The following CALML4 variants were observed in gnomAD, a reference collection of about 807,000 sequenced individuals.
CALML4 encodes the protein calmodulin like 4.
CALML4 carries 16 observed loss-of-function variants against 17.9 expected under a neutral mutation model. The observed-to-expected ratio is 0.89, with a 90% CI of 0.61 to 1.36. The LOEUF is 1.36. Ranked by LOEUF, CALML4 falls within the 40% of genes most tolerant of loss-of-function variation. CALML4 has a pLI of 0.00. For missense variants in CALML4, 203 were observed against 194.8 expected (o/e 1.04, Z -0.25); for synonymous variants, 86 against 71.5 (o/e 1.20, Z -1.02).
Position 68,204,523 on chromosome 15 carries a change from C to T in CALML4, c.34+598G>A, listed in dbSNP as rs1332712699. On this transcript the variant is annotated intron_variant, in intron 2 of 4. Coordinates refer to ENST00000467889, the MANE Select transcript of CALML4 (RefSeq NM_033429.3). The surrounding 1 kb of genome is among the most constrained non-coding windows in gnomAD (Gnocchi z 6.0). ...GTCTGGGCCCCCAAGTTCTTTGTAACGCAACTCTTTGCTCTTGGCCTTCTG... is the reference window on the plus strand; with the variant it reads ...GTCTGGGCCCCCAAGTTCTTTGTAATGCAACTCTTTGCTCTTGGCCTTCTG... Among the ~76,000 whole-genome samples the T allele has an allele frequency of 2.0e-5, 3 of 152,200 alleles. No individual in the cohort carries two copies. The highest frequency in any genetic ancestry group is 4.4e-5 in the Non-Finnish European group (3 of 68,036).
rs1212311561 is a variant in CALML4, at chr15:68,191,736, AAAC to A, written c.*2276_*2278del. The A allele has an allele frequency of 3.9e-5, 6 of 152,274 alleles. No homozygotes were observed. The highest frequency in any genetic ancestry group is 8.8e-5 in the Non-Finnish European group (6 of 68,040). 9.4% of individuals were successfully genotyped at this position (152,274 alleles called of 1,614,324 possible). On this transcript the variant is annotated 3_prime_UTR_variant, in exon 5 of 5. Transcript: ENST00000467889. ...GCTAAGAGCACCGTGGCCTTCTTGT[AAAC>A]AACACTAGGTGCTAGAGAAACCAGC...
rs2093126582 is a variant in CALML4 at position 68,192,829 on chromosome 15, G to A, written c.*1186C>T. On this transcript the variant is annotated 3_prime_UTR_variant, in exon 5 of 5. Transcript: ENST00000467889. ...ACCCACTTTTGATACATACATGGAT[G>A]CAAATCTTTGTACTTGAAGCCCTGC... 1 of 152,278 alleles carries A rather than the reference G, an allele frequency of 6.6e-6. No individual in the cohort carries two copies. Among genetic ancestry groups the A allele is most frequent in the Admixed American group, 6.5e-5 (1 of 15,282 alleles). The allele number at this position is 152,278 out of a possible 1,614,324, so 9.4% of individuals were successfully genotyped here. A position where few individuals can be genotyped will look rare whatever the true frequency, so the allele number is the denominator to read the frequency against.
chr15:68,205,302 T>G lies in CALML4; in HGVS notation c.-55A>C, dbSNP rs2093179238. 1 of 1,613,960 alleles carries G rather than the reference T, an allele frequency of 6.2e-7. No individual in the cohort carries two copies. The highest frequency in any genetic ancestry group is 1.3e-5 in the African/African-American group (1 of 74,884). Reference sequence around the variant, plus strand: ...TGCTGCTCCCAGAACCGCGTTCAGTTCCCTTTCCTCCAGCCTCAAGTCTAA... The same window carrying G: ...TGCTGCTCCCAGAACCGCGTTCAGTGCCCTTTCCTCCAGCCTCAAGTCTAA... On this transcript the variant is annotated 5_prime_UTR_variant, in exon 1 of 5. Coordinates refer to ENST00000467889, the MANE Select transcript of CALML4 (RefSeq NM_033429.3). This position sits in a 1 kb window ranked among gnomAD's most constrained non-coding sequence, Gnocchi z 4.8.
Position 68,197,396 on chromosome 15 carries a change from C to G in CALML4, c.364+44G>C, listed in dbSNP as rs775689596. On this transcript the variant is annotated intron_variant, in intron 4 of 4. Transcript: ENST00000467889. This position sits in a 1 kb window ranked among gnomAD's most constrained non-coding sequence, Gnocchi z 4.1. ...GGCTTTGGTGCCCTCCTTCCAACTCCCTAACCCCCTCCAACTGTTGGGAGA... is the reference window on the plus strand; with the variant it reads ...GGCTTTGGTGCCCTCCTTCCAACTCGCTAACCCCCTCCAACTGTTGGGAGA... 3.8e-6 allele frequency: 6 copies of G among 1,592,410 alleles called. No homozygotes were observed. The African/African-American group carries it at 6.7e-5, about 18-fold the overall frequency.
Position 68,197,962 on chromosome 15 carries a change from G to T in CALML4, c.176-334C>A. ...CTTCCCTCCTGCCCTGAACTGGAGG[G>T]AAACAGGTCCATGTGTGCATTCCAC... is the stretch of plus-strand genomic sequence containing the variant. On this transcript the variant is annotated intron_variant, in intron 3 of 4. Transcript: ENST00000467889. The surrounding 1 kb of genome is among the most constrained non-coding windows in gnomAD (Gnocchi z 4.1). 1 of 249,530 alleles carries T rather than the reference G, an allele frequency of 4.0e-6. No homozygotes were observed. Among genetic ancestry groups the T allele is most frequent in the Non-Finnish European group, 7.8e-6 (1 of 128,168 alleles). The allele number at this position is 249,530 out of a possible 1,614,324, so 15.5% of individuals were successfully genotyped here. A position where few individuals can be genotyped will look rare whatever the true frequency, so the allele number is the denominator to read the frequency against.
chr15:68,198,891 G>A (rs1266976716), intron 3 of CALML4, among the ~76,000 whole-genome samples: 3 of 152,226 alleles, frequency 2.0e-5, no homozygotes, highest in Non-Finnish European at 4.4e-5. Flanking sequence ...GCTGGGCGCA[G>A]TGGCTCAGGC....
At position 68,192,713 on chromosome 15, in the gene CALML4, GT is replaced by G. The variant is rs1381106132; in HGVS notation, c.*1301del. The G allele has an allele frequency of 6.6e-6, 1 of 152,180 alleles. No individual in the cohort carries two copies. The highest frequency in any genetic ancestry group is 1.5e-5 in the Non-Finnish European group (1 of 68,098). The allele number at this position is 152,180 out of a possible 1,614,324, so 9.4% of individuals were successfully genotyped here. ...GTGCCTAGTGAAAGATTTGTGTCTTGTACATCCTCCCAAAAGACACATCCCA... is the reference window on the plus strand; with the variant it reads ...GTGCCTAGTGAAAGATTTGTGTCTTGACATCCTCCCAAAAGACACATCCCA... On this transcript the variant is annotated 3_prime_UTR_variant, in exon 5 of 5. Coordinates refer to ENST00000467889, the MANE Select transcript of CALML4 (RefSeq NM_033429.3).
chr15:68,195,366 TA>T (rs2141122804), intron 4 of CALML4, among the ~76,000 whole-genome samples: 1 of 152,328 alleles, frequency 6.6e-6, no homozygotes, highest in East Asian at 1.9e-4. Flanking sequence ...TCTGAGTATT[TA>T]TTGGGAGAAT....
At chr15:68,194,539 A>G (rs1049474619) in intron 4 of CALML4, among the ~76,000 whole-genome samples, 1 of 151,962 alleles carries the variant, frequency 6.6e-6, no homozygotes, top group Non-Finnish European at 1.5e-5. Flanking sequence ...AAGTACCACC[A>G]TGCCCGGCTA....
chr15:68,201,020 C>G (rs918717461), intron 2 of CALML4, among the ~76,000 whole-genome samples: 1 of 151,886 alleles, frequency 6.6e-6, no homozygotes, highest in African/African-American at 2.4e-5. Flanking sequence ...GCAGAAGGAG[C>G]CCCCCAAATC....
intron 2 of CALML4, among the ~76,000 whole-genome samples, chr15:68,203,779 G>A (rs1458213346): frequency 6.6e-6 from 1 of 152,196 alleles, no homozygotes; most frequent in East Asian, 1.9e-4. Context: ...CAGGTCTGCT[G>A]CCTCCAAAGC....
In CALML4 at chr15:68,192,053, C is replaced by T. The variant is rs1201328074; in HGVS notation, c.*1962G>A. 6.6e-6 allele frequency: 1 copy of T among 152,200 alleles called. No homozygotes were observed. Among genetic ancestry groups the T allele is most frequent in the African/African-American group, 2.4e-5 (1 of 41,442 alleles). The allele number at this position is 152,200 out of a possible 1,614,324, so 9.4% of individuals were successfully genotyped here. On this transcript the variant is annotated 3_prime_UTR_variant, in exon 5 of 5. Transcript: ENST00000467889. ...AGTGATAAATATAGACATAGAAAAG[C>T]TTTGACGGAAAGTACCCTCATTTAT...
intron 3 of CALML4, chr15:68,198,737 T>G (rs2093154835): frequency 9.8e-6 from 1 of 102,068 alleles, no homozygotes; most frequent in Non-Finnish European, 2.4e-5. Flanking sequence ...TTTCTAGCAA[T>G]AGTTTTTCTA....
Position 68,197,586 on chromosome 15 carries a change from A to T in CALML4, c.218T>A (p.Met73Lys). 6.2e-7 allele frequency: 1 copy of T among 1,614,206 alleles called. No homozygotes were observed. The highest frequency in any genetic ancestry group is 8.5e-7 in the Non-Finnish European group (1 of 1,180,042). ...ELDFSTFLTI[M>K]HMQIKQEDPK... ...GTCTTCTTGTTTTATTTGCATGTGC[A>T]TAATGGTCAGAAAAGTGGAGAAATC... Residue 73 changes from methionine (M) to lysine (K), a missense_variant, in exon 4 of 5, where the codon ATG becomes AAG. Met to Lys is a moderately conservative substitution (Grantham distance 95). Coordinates refer to ENST00000467889, the MANE Select transcript of CALML4 (RefSeq NM_033429.3). This position sits in a 1 kb window ranked among gnomAD's most constrained non-coding sequence, Gnocchi z 4.1.
In CALML4 at chr15:68,205,141, A is replaced by G. The variant is rs1014917090; in HGVS notation, c.14T>C (p.Leu5Pro). 2.5e-6 allele frequency: 4 copies of G among 1,614,070 alleles called. No individual in the cohort carries two copies. In the African/African-American group the frequency reaches 4.0e-5, roughly 16 times the overall value. ...CCTACCATTAATTTGGTCTTGGGAA[A>G]GAAACTTGGCCTGCAGCAGAGAAAG... MAKF[L>P]SQDQINEYKE... The change falls in exon 2 of 5, where the codon CTT becomes CCT. Residue 5 changes from leucine to proline, a missense_variant. By Grantham distance (98) the Leu-to-Pro change is moderately conservative (BLOSUM62 -3). Transcript: ENST00000467889. The surrounding 1 kb of genome is among the most constrained non-coding windows in gnomAD (Gnocchi z 4.8).
At chr15:68,196,962 G>T (rs1184336965) in intron 4 of CALML4, among the ~76,000 whole-genome samples, 1 of 96,202 alleles carries the variant, frequency 1.0e-5, no homozygotes, top group Non-Finnish European at 2.1e-5. Context: ...TCGGAAACTC[G>T]ACCTCAGCAG....
rs574753824 is a variant in CALML4, at chr15:68,204,854, C to T, written c.34+267G>A. On this transcript the variant is annotated intron_variant, in intron 2 of 4. Coordinates refer to ENST00000467889, the MANE Select transcript of CALML4 (RefSeq NM_033429.3). This position sits in a 1 kb window ranked among gnomAD's most constrained non-coding sequence, Gnocchi z 6.0. ...CCCTCAGTCCCCAAATCCAACTGGTCAGGTTCTGGAGGGAAACCTAGTAAG... is the reference window on the plus strand; with the variant it reads ...CCCTCAGTCCCCAAATCCAACTGGTTAGGTTCTGGAGGGAAACCTAGTAAG... 1.3e-5 allele frequency among the ~76,000 whole-genome samples: 2 copies of T among 152,278 alleles called. No individual in the cohort carries two copies. The highest frequency in any genetic ancestry group is 1.3e-4 in the Admixed American group (2 of 15,304).
Position 68,197,664 on chromosome 15 carries a change from G to A in CALML4, c.176-36C>T, listed in dbSNP as rs748468764. 11 of 1,596,998 alleles carry A rather than the reference G, an allele frequency of 6.9e-6. No individual in the cohort carries two copies. The highest frequency in any genetic ancestry group is 9.4e-6 in the Non-Finnish European group (11 of 1,169,910). ...CGCAAACACAGCAGAGTGAGCAGAG[G>A]GAAAAAGACTCCTAGGAAGCCAGCT... is the stretch of plus-strand genomic sequence containing the variant. On this transcript the variant is annotated intron_variant, in intron 3 of 4. Transcript: ENST00000467889. The surrounding 1 kb of genome is among the most constrained non-coding windows in gnomAD (Gnocchi z 4.1).
intron 2 of CALML4, among the ~76,000 whole-genome samples, chr15:68,202,525 G>C (rs1162870460): frequency 3.3e-5 from 5 of 152,192 alleles, no homozygotes; most frequent in Non-Finnish European, 7.4e-5. Context: ...AGAATCCCTT[G>C]AGTCTGGGTG....
Sources: gnomAD v4.1 joint callset for allele counts (sites outside exome capture counted in the v4.1 genomes callset) on GRCh38, gnomAD v4.1.1 for gene constraint, Gnocchi (gnomAD v3.1) non-coding constraint, MANE v1.5 for transcripts, NCBI Gene and HGNC (gene_info 2026-07-23, HGNC 2026-07-21) for gene names.